KIF5A: variants seen among roughly 807,000 people sequenced by gnomAD.
KIF5A encodes the protein kinesin family member 5A, also known as kinesin heavy chain isoform 5A.
KIF5A carries 35 observed loss-of-function variants against 141.3 expected under a neutral mutation model. The ratio of observed to expected loss-of-function variants is 0.25; its 90% CI spans 0.19 to 0.33. KIF5A has a LOEUF of 0.33. KIF5A is among the 10% of genes least tolerant of loss of function. The pLI is 1.00. For missense variants in KIF5A, 861 were observed against 1,314.3 expected (o/e 0.66, Z 5.33); for synonymous variants, 448 against 500.2 (o/e 0.90, Z 1.39).
intron 1 of KIF5A, among the ~76,000 whole-genome samples, chr12:57,561,804 A>T (rs1881916314): frequency 6.6e-6 from 1 of 152,214 alleles, no homozygotes; most frequent in African/African-American, 2.4e-5. Flanking sequence ...ACTTTTGTAT[A>T]ATTCCTTCTA....
In KIF5A at chr12:57,564,169, A is replaced by G. The variant is rs1881993916; in HGVS notation, c.353A>G (p.Asn118Ser). The change falls in exon 4 of 29, where the codon AAC (asparagine) becomes AGC (serine). Residue 118 changes from asparagine to serine, a missense_variant. Asn to Ser is a conservative substitution (Grantham distance 46, BLOSUM62 1). Around this residue, in one of 5 missense-constraint regions of KIF5A, gnomAD observed 146 missense variants for 353.4 expected, o/e 0.41. Coordinates refer to ENST00000455537, the MANE Select transcript of KIF5A (RefSeq NM_004984.4). ...CCTCGAATTGCCCGAGACATCTTCAACCACATCTACTCCATGGATGAGAAC... is the reference window on the plus strand; with the variant it reads ...CCTCGAATTGCCCGAGACATCTTCAGCCACATCTACTCCATGGATGAGAAC... ...IIPRIARDIF[N>S]HIYSMDENLE... The G allele has an allele frequency of 6.2e-7, 1 of 1,613,984 alleles. No individual in the cohort carries two copies.
At position 57,576,106 on chromosome 12, in the gene KIF5A, C is replaced by T; in HGVS notation, c.2043C>T (p.Ala681=). Residue 681 remains alanine, a synonymous_variant, in exon 18 of 29, where the codon GCC becomes GCT. Coordinates refer to ENST00000455537, the MANE Select transcript of KIF5A (RefSeq NM_004984.4). ...CCTTAGAAACTGTGCATGAAGTGGC[C>T]CTGAAGGACAAGGAGCCTGACACTC... ...LQAQETVHEV[A]LKDKEPDTQD... The T allele has an allele frequency of 6.2e-7, 1 of 1,614,030 alleles. No homozygotes were observed. Among genetic ancestry groups the T allele is most frequent in the Non-Finnish European group, 8.5e-7 (1 of 1,179,996 alleles).
At chr12:57,571,187 G>C (rs1156958998) in intron 12 of KIF5A, 134 bp from the exon 13 acceptor site, 1 of 702,510 alleles carries the variant, frequency 1.4e-6, no homozygotes, top group Non-Finnish European at 2.6e-6. Context: ...CTTCCTGTAG[G>C]ATATGGGGTT....
In KIF5A at chr12:57,568,995, G is replaced by A. The variant is rs1882157434; in HGVS notation, c.747G>A (p.Leu249=). ...AGACTGGAGCAGAGGGAGCCGTGCT[G>A]GACGAGGCAAAGAATATCAACAAGT... ...VSKTGAEGAV[L]DEAKNINKSL... is the part of the protein sequence containing the mutation. Residue 249 remains leucine, a synonymous_variant, in exon 9 of 29, where the codon CTG becomes CTA. Coordinates refer to ENST00000455537, the MANE Select transcript of KIF5A (RefSeq NM_004984.4). 1 of 1,613,974 alleles carries A rather than the reference G, an allele frequency of 6.2e-7. No individual in the cohort carries two copies. The highest frequency in any genetic ancestry group is 8.5e-7 in the Non-Finnish European group (1 of 1,179,994).
rs2140158870 is a variant in KIF5A, at chr12:57,563,681, A to G, written c.279A>G (p.Thr93=). 1 of 1,613,992 alleles carries G rather than the reference A, an allele frequency of 6.2e-7. No homozygotes were observed. Among genetic ancestry groups the G allele is most frequent in the East Asian group, 2.2e-5 (1 of 44,882 alleles). The change falls in exon 3 of 29, where the codon ACA becomes ACG. Residue 93 remains threonine (T), a synonymous_variant. Transcript: ENST00000455537. Reference sequence around the variant, plus strand: ...ATGGACAGACATCCTCAGGGAAAACACATACCATGGAGGTGAGGGTTCTGG... The same window carrying G: ...ATGGACAGACATCCTCAGGGAAAACGCATACCATGGAGGTGAGGGTTCTGG... The part of the protein sequence containing the change: ...FAYGQTSSGK[T]HTMEGKLHDP...
intron 1 of KIF5A, among the ~76,000 whole-genome samples, chr12:57,560,722 C>T (rs1051579311): frequency 2.0e-5 from 3 of 152,030 alleles, no homozygotes; most frequent in Non-Finnish European, 2.9e-5. Context: ...GTTTTTAAGG[C>T]GGGGCATGGT....
chr12:57,573,828 CAAAA>C (rs556161029), intron 15 of KIF5A, among the ~76,000 whole-genome samples: 2 of 65,236 alleles, frequency 3.1e-5, no homozygotes, highest in African/African-American at 5.0e-5. Context: ...AACTCCGTCT[CAAAA>C]AAAAAAAAAA....
At chr12:57,569,937 G>A (rs772410506) in intron 11 of KIF5A, 50 bp from the exon 12 acceptor site, 1 of 1,595,256 alleles carries the variant, frequency 6.3e-7, no homozygotes, top group Non-Finnish European at 8.6e-7. Flanking sequence ...AGAACTCGTG[G>A]ATGCAGCTTC....
intron 1 of KIF5A, among the ~76,000 whole-genome samples, chr12:57,552,859 C>T (rs192710996): frequency 7.2e-5 from 11 of 152,236 alleles, no homozygotes; most frequent in African/African-American, 2.6e-4. Context: ...CCCTTCGCCT[C>T]TGCAGCACTG....
rs531806744 is a variant in KIF5A, at chr12:57,568,075, G to A, written c.714+457G>A. Among the ~76,000 whole-genome samples, 11 of 151,612 alleles carry A rather than the reference G, an allele frequency of 7.3e-5. No homozygotes were observed. In the South Asian group the frequency reaches 2.3e-3, roughly 32 times the overall value. ...TTTTTGTATTTTTAGTAGAGACGGG[G>A]TTTCACCATGTTGGCCAGGCTGGTC... On this transcript the variant is annotated intron_variant, in intron 8 of 28. Coordinates refer to ENST00000455537, the MANE Select transcript of KIF5A (RefSeq NM_004984.4).
intron 19 of KIF5A, 63 bp downstream of exon 19, chr12:57,576,441 A>C: frequency 1.2e-5 from 15 of 1,244,840 alleles, no homozygotes; most frequent in Non-Finnish European, 1.6e-5. Flanking sequence ...GTATTGACTC[A>C]CATGTCCCCT....
chr12:57,550,109 C>A lies in KIF5A; in HGVS notation c.-163C>A. On this transcript the variant is annotated 5_prime_UTR_variant, in exon 1 of 29. Transcript: ENST00000455537. This position sits in a 1 kb window ranked among gnomAD's most constrained non-coding sequence, Gnocchi z 4.6. ...CCGCTGCCGCAGGAGAGAGACAGCG[C>A]GCCCCGGCCCTGCTCCCCAGGCTTC... The A allele has an allele frequency of 1.1e-6, 1 of 890,124 alleles. No individual in the cohort carries two copies. The highest frequency in any genetic ancestry group is 1.8e-6 in the Non-Finnish European group (1 of 566,244). The allele number at this position is 890,124 out of a possible 1,614,324, so 55.1% of individuals were successfully genotyped here.
At chr12:57,553,255 T>TAC (rs1237904372) in intron 1 of KIF5A, among the ~76,000 whole-genome samples, 2 of 151,358 alleles carry the variant, frequency 1.3e-5, no homozygotes, top group Non-Finnish European at 3.0e-5. Context: ...AACACATACA[T>TAC]ACACACACAC....
rs1382990906 is a variant in KIF5A, at chr12:57,585,957, T to C, written c.*1776T>C. 6.8e-6 allele frequency: 1 copy of C among 147,258 alleles called. No homozygotes were observed. Among genetic ancestry groups the C allele is most frequent in the Non-Finnish European group, 1.5e-5 (1 of 67,318 alleles). The allele number at this position is 147,258 out of a possible 1,614,324, so 9.1% of individuals were successfully genotyped here. On this transcript the variant is annotated 3_prime_UTR_variant, in exon 29 of 29. Transcript: ENST00000455537. ...TTTTGGTGGAAGAAGTCTCAGCGTC[T>C]CTTAGGACTGACTGTTCAAAGGCTC...
At chr12:57,555,908 C>CAAAAAAA (rs763843453) in intron 1 of KIF5A, among the ~76,000 whole-genome samples, 1 of 92,212 alleles carries the variant, frequency 1.1e-5, no homozygotes, top group Non-Finnish European at 2.3e-5. Context: ...AACTCTATCT[C>CAAAAAAA]AAAAAAAAAA....
chr12:57,581,091 C>G lies in KIF5A; in HGVS notation c.2674C>G (p.Arg892Gly). The G allele has an allele frequency of 6.2e-7, 1 of 1,614,102 alleles. No individual in the cohort carries two copies. Among genetic ancestry groups the G allele is most frequent in the South Asian group, 1.1e-5 (1 of 91,082 alleles). Reference sequence around the variant, plus strand: ...GGAGGGCGCCATGAAGGACAAGCGCCGGTACCAGCAGGAGGTGGACCGCAT... The same window carrying G: ...GGAGGGCGCCATGAAGGACAAGCGCGGGTACCAGCAGGAGGTGGACCGCAT... ...AKEGAMKDKR[R>G]YQQEVDRIKE... Residue 892 changes from arginine (R) to glycine (G), a missense_variant, in exon 24 of 29, where the codon CGG (arginine) becomes GGG (glycine). Transcript: ENST00000455537.
chr12:57,576,280 G>T lies in KIF5A; in HGVS notation c.2100G>T (p.Glu700Asp). 6.2e-7 allele frequency: 1 copy of T among 1,614,106 alleles called. No individual in the cohort carries two copies. Among genetic ancestry groups the T allele is most frequent in the Non-Finnish European group, 8.5e-7 (1 of 1,179,988 alleles). The change falls in exon 19 of 29, where the codon GAG (glutamate) becomes GAT (aspartate). Residue 700 changes from glutamate to aspartate, a missense_variant. Physicochemically the swap from Glu to Asp is conservative, Grantham distance 45. Around this residue, in one of 5 missense-constraint regions of KIF5A, gnomAD observed 482 missense variants for 661.3 expected, o/e 0.73. Transcript: ENST00000455537. ...GGGGTTGTTTGCAGAAGGCTCTGGAGCTGCAGATGGAGAGTCACCGGGAGG... is the reference window on the plus strand; with the variant it reads ...GGGGTTGTTTGCAGAAGGCTCTGGATCTGCAGATGGAGAGTCACCGGGAGG... ...QDADEVKKAL[E>D]LQMESHREAH...
At chr12:57,566,424 T>C (rs537809208) in intron 6 of KIF5A, among the ~76,000 whole-genome samples, 102 of 151,334 alleles carry the variant, frequency 6.7e-4, no homozygotes, top group Non-Finnish European at 1.8e-4. Context: ...TTTTTTTTTT[T>C]TGAGACAGAG....
At chr12:57,555,766 G>A (rs1316479517) in intron 1 of KIF5A, among the ~76,000 whole-genome samples, 10 of 150,394 alleles carry the variant, frequency 6.6e-5, no homozygotes, top group East Asian at 2.0e-4. Context: ...AAAATTAGCC[G>A]GGCGTGGTGG....
Sources: gnomAD v4.1 joint callset for allele counts (sites outside exome capture counted in the v4.1 genomes callset) on GRCh38, gnomAD v4.1.1 for gene constraint, gnomAD v4.1.1 regional missense constraint, Gnocchi (gnomAD v3.1) non-coding constraint, MANE v1.5 for transcripts, NCBI Gene and HGNC (gene_info 2026-07-23, HGNC 2026-07-21) for gene names.